Variants in NCAM1 observed in about 807,000 individuals in gnomAD.
NCAM1 encodes the protein antigen recognized by monoclonal antibody 5.1H11.
A neutral mutation model predicts 109.8 loss-of-function variants in NCAM1; 14 were observed. That is an observed-to-expected ratio of 0.13 (90% CI 0.08 to 0.20). The LOEUF (loss-of-function observed/expected upper bound fraction) is 0.20. Among genes scored for constraint, NCAM1 ranks in the 10% least tolerant of loss-of-function variants. The pLI, the probability that NCAM1 is intolerant of heterozygous loss-of-function variation, is 1.00. For missense variants in NCAM1, 774 were observed against 1,109.9 expected (o/e 0.70, Z 4.30); for synonymous variants, 418 against 442.9 (o/e 0.94, Z 0.70).
At position 113,206,197 on chromosome 11, in the gene NCAM1, C is replaced by T; in HGVS notation, c.628+17C>T. The T allele has an allele frequency of 1.3e-6, 2 of 1,592,416 alleles. No individual in the cohort carries two copies. Among genetic ancestry groups the T allele is most frequent in the African/African-American group, 1.3e-5 (1 of 74,286 alleles). On this transcript the variant is annotated intron_variant, in intron 5 of 19. Coordinates refer to ENST00000316851, the MANE Select transcript of NCAM1 (RefSeq NM_181351.5). ...TTGTGAATGGTGAGGAGAGTCCGTT[C>T]TTCCTGATCTCTGCATTGCTACAAC...
intron 17 of NCAM1, chr11:113,263,745 C>T (rs184931314): frequency 2.0e-6 from 2 of 985,460 alleles, no homozygotes; most frequent in East Asian, 2.3e-4. Context: ...AGCAGTGACC[C>T]ACAGAATGGC....
At chr11:113,014,111 C>G (rs1161905027) in intron 1 of NCAM1, among the ~76,000 whole-genome samples, 1 of 151,966 alleles carries the variant, frequency 6.6e-6, no homozygotes, top group Non-Finnish European at 1.5e-5. Flanking sequence ...TGTATTAATA[C>G]TACTCAGATA....
At chr11:112,964,038 T>C (rs1230321191) in intron 1 of NCAM1, among the ~76,000 whole-genome samples, 8 of 151,944 alleles carry the variant, frequency 5.3e-5, no homozygotes, top group Admixed American at 1.3e-4. Flanking sequence ...CATAGTTTTT[T>C]TTTAAAAAAA....
At chr11:113,234,813 T>C (rs959983318) in intron 13 of NCAM1, among the ~76,000 whole-genome samples, 5 of 152,250 alleles carry the variant, frequency 3.3e-5, no homozygotes, top group African/African-American at 1.2e-4. Flanking sequence ...TGGGTCTGCC[T>C]TTCGGCTATT....
intron 1 of NCAM1, among the ~76,000 whole-genome samples, chr11:113,122,130 G>A (rs1234319192): frequency 6.6e-6 from 1 of 152,154 alleles, no homozygotes; most frequent in Non-Finnish European, 1.5e-5. Context: ...TCATCAGCTT[G>A]CCTTCAGATC....
At chr11:113,110,353 A>C (rs1940390739) in intron 1 of NCAM1, among the ~76,000 whole-genome samples, 1 of 152,190 alleles carries the variant, frequency 6.6e-6, no homozygotes, top group Non-Finnish European at 1.5e-5. Flanking sequence ...TGACAACTGA[A>C]AACCTGGCAG....
intron 1 of NCAM1, among the ~76,000 whole-genome samples, chr11:113,028,384 A>G (rs1192658053): frequency 2.6e-5 from 4 of 152,108 alleles, no homozygotes; most frequent in Admixed American, 1.3e-4. Context: ...CGCTTTGTGT[A>G]TTATTGGTAT....
At chr11:112,967,562 C>A (rs1419101698) in intron 1 of NCAM1, among the ~76,000 whole-genome samples, 4 of 152,154 alleles carry the variant, frequency 2.6e-5, no homozygotes, top group Admixed American at 2.6e-4. Context: ...ATTAGTAATG[C>A]CTACTTGTTA....
chr11:113,169,564 G>C (rs2136443151), intron 1 of NCAM1, among the ~76,000 whole-genome samples: 1 of 151,900 alleles, frequency 6.6e-6, no homozygotes, highest in Non-Finnish European at 1.5e-5. Flanking sequence ...ATGAACACAT[G>C]GGTCCTGGTA....
At chr11:113,205,344 GGT>G (rs1383487687) in intron 3 of NCAM1, among the ~76,000 whole-genome samples, 177 bp from the exon 4 acceptor site, 3 of 152,108 alleles carry the variant, frequency 2.0e-5, no homozygotes, top group Non-Finnish European at 2.9e-5. Context: ...GCCAAGCATT[GGT>G]AACCTATGCT....
intron 15 of NCAM1, among the ~76,000 whole-genome samples, chr11:113,252,768 T>A (rs1945719702): frequency 7.1e-6 from 1 of 141,810 alleles, no homozygotes; most frequent in Non-Finnish European, 1.5e-5. Flanking sequence ...CTTCAGTAGC[T>A]GGGATTACAG....
chr11:112,964,155 GTTTT>G (rs59178181), intron 1 of NCAM1, among the ~76,000 whole-genome samples: 8 of 107,466 alleles, frequency 7.4e-5, no homozygotes, highest in African/African-American at 2.2e-4. Flanking sequence ...TTTTTTTTTT[GTTTT>G]TTTTTTGGAC....
chr11:113,006,092 A>G (rs1178952687), intron 1 of NCAM1, among the ~76,000 whole-genome samples: 3 of 152,122 alleles, frequency 2.0e-5, no homozygotes, highest in East Asian at 1.9e-4. Flanking sequence ...TTTGGTTTCA[A>G]AAAATTCTGG....
At chr11:113,220,886 G>A (rs1944673796) in intron 8 of NCAM1, among the ~76,000 whole-genome samples, 1 of 152,046 alleles carries the variant, frequency 6.6e-6, no homozygotes, top group Non-Finnish European at 1.5e-5. Flanking sequence ...TGGGATTACA[G>A]GCATGAGCAA....
At chr11:113,210,768 C>T (rs1555113529) in intron 7 of NCAM1, among the ~76,000 whole-genome samples, 1 of 110,648 alleles carries the variant, frequency 9.0e-6, no homozygotes, top group African/African-American at 3.5e-5. Context: ...CACCCCTCTT[C>T]ATCACAAACA....
At chr11:113,119,354 G>C (rs1180829453) in intron 1 of NCAM1, among the ~76,000 whole-genome samples, 2 of 152,212 alleles carry the variant, frequency 1.3e-5, no homozygotes, top group Non-Finnish European at 2.9e-5. Flanking sequence ...AAAGCCAGAA[G>C]TCAGACTTGG....
At chr11:113,156,265 G>C (rs1241646580) in intron 1 of NCAM1, among the ~76,000 whole-genome samples, 1 of 152,168 alleles carries the variant, frequency 6.6e-6, no homozygotes, top group Non-Finnish European at 1.5e-5. Context: ...TTGGGTGTGA[G>C]GATCAAGGGA....
intron 14 of NCAM1, chr11:113,240,776 C>T (rs1429962487): frequency 1.2e-6 from 2 of 1,612,250 alleles, no homozygotes; most frequent in Admixed American, 1.7e-5. Context: ...CTTCATTTTT[C>T]TTTCTTCAGC....
rs76131409 is a variant in NCAM1 at position 113,040,433 on chromosome 11, C to A, written c.52+78769C>A. Among the ~76,000 whole-genome samples the A allele has an allele frequency of 2.3e-3, 349 of 152,238 alleles. 4 individuals carry two copies. The highest frequency in any genetic ancestry group is 3.2e-3 in the Non-Finnish European group (218 of 68,022). On this transcript the variant is annotated intron_variant, in intron 1 of 19. Transcript: ENST00000316851. Reference sequence around the variant, plus strand: ...GACAGCAAACATTTTCAGTAATGGGCAAATTGTAAATATTTAGGTTTTATG... The same window carrying A: ...GACAGCAAACATTTTCAGTAATGGGAAAATTGTAAATATTTAGGTTTTATG...
Sources: allele counts gnomAD v4.1 joint callset (sites outside exome capture counted in the v4.1 genomes callset), GRCh38; gene constraint gnomAD v4.1.1; transcripts MANE v1.5; gene names NCBI Gene and HGNC (gene_info 2026-07-23, HGNC 2026-07-21).